TPPP: variants seen among roughly 807,000 people sequenced by gnomAD.
TPPP encodes tubulin polymerization promoting protein, also known as tubulin polymerization-promoting protein.
In TPPP, 6 loss-of-function variants were observed where a neutral mutation model predicts 15.5. The ratio of observed to expected loss-of-function variants is 0.39; its 90% confidence interval spans 0.21 to 0.77. TPPP has a LOEUF of 0.77. Ranked by LOEUF, TPPP falls within the 30% of genes least tolerant of loss-of-function variation. The probability of loss-of-function intolerance (pLI) is 0.42; values close to 1 mark genes in which losing one functional copy is unlikely to be tolerated. For missense variants in TPPP, 269 were observed against 307.2 expected (o/e 0.88, Z 0.93); for synonymous variants, 146 against 133.9 (o/e 1.09, Z -0.63).
chr5:668,912 A>C (rs1740074392), intron 2 of TPPP, among the ~76,000 whole-genome samples: 1 of 152,166 alleles, frequency 6.6e-6, no homozygotes, highest in South Asian at 2.1e-4. Context: ...GGAGCCAGGC[A>C]CGGAGGTGCC....
rs1438366142 is a variant in TPPP at position 663,789 on chromosome 5, A to G, written c.*1313T>C. On this transcript the variant is annotated 3_prime_UTR_variant, in exon 4 of 4. Transcript: ENST00000360578. ...GTTTCCCCAGGACTGCCGCAGGCTC[A>G]TCCGCAGGTAGACTCCAGAACCACG... 6.6e-6 allele frequency: 1 copy of G among 152,394 alleles called. No individual in the cohort carries two copies. Among genetic ancestry groups the G allele is most frequent in the Non-Finnish European group, 1.5e-5 (1 of 68,134 alleles). 9.4% of individuals were successfully genotyped at this position (152,394 alleles called of 1,614,324 possible). A position where few individuals can be genotyped will look rare whatever the true frequency, so the allele number is the denominator to read the frequency against.
At chr5:666,149 C>A (rs752373296) in intron 2 of TPPP, 26 bp from the exon 3 acceptor site, 2 of 1,604,162 alleles carry the variant, frequency 1.2e-6, no homozygotes, top group South Asian at 1.1e-5. Context: ...CGACTTAGGG[C>A]TGGGCGCGGG....
chr5:667,486 C>A (rs957066461), intron 2 of TPPP, among the ~76,000 whole-genome samples: 1 of 152,196 alleles, frequency 6.6e-6, no homozygotes, highest in African/African-American at 2.4e-5. Flanking sequence ...GAGAAGATCT[C>A]TGTGACCTGG....
intron 1 of TPPP, among the ~76,000 whole-genome samples, chr5:691,522 G>C (rs1297701511): frequency 9.7e-6 from 1 of 102,694 alleles, no homozygotes. Flanking sequence ...GTGGATCAGC[G>C]GTGACACTGA....
chr5:692,283 A>G (rs1187605490), intron 1 of TPPP, among the ~76,000 whole-genome samples: 2 of 113,446 alleles, frequency 1.8e-5, no homozygotes, highest in South Asian at 3.7e-4. Flanking sequence ...CTATCAAAAC[A>G]GCAGCCCCCA....
rs897224895 is a variant in TPPP at position 665,979 on chromosome 5, T to C, written c.456A>G (p.Ser152=). 2 of 1,266,096 alleles carry C rather than the reference T, an allele frequency of 1.6e-6. No homozygotes were observed. Among genetic ancestry groups the C allele is most frequent in the East Asian group, 5.5e-5 (1 of 18,236 alleles). The allele number at this position is 1,266,096 out of a possible 1,614,324, so 78.4% of individuals were successfully genotyped here. ...TCCCCGCCCTGCTCACCGTCACCCC[T>C]GAGATGATGGGCGCCTTGCCCTCGA... The part of the protein sequence containing the change: ...RLIEGKAPII[S]GVTKAISSPT... The change falls in exon 3 of 4, where the codon TCA becomes TCG. Residue 152 remains serine (S), a synonymous_variant. Coordinates refer to ENST00000360578, the MANE Select transcript of TPPP (RefSeq NM_007030.3).
rs1379327101 is a variant in TPPP, at chr5:661,284, C to A, written c.*3818G>T. On this transcript the variant is annotated 3_prime_UTR_variant, in exon 4 of 4. Coordinates refer to ENST00000360578, the MANE Select transcript of TPPP (RefSeq NM_007030.3). The stretch of plus-strand genomic sequence containing the variant: ...ACCTGTCCCTCTCTCCTGGTGTCAC[C>A]CCCGACAGAACCTGTCCCTGTCTCC... 6.6e-6 allele frequency: 1 copy of A among 151,594 alleles called. No individual in the cohort carries two copies. The highest frequency in any genetic ancestry group is 6.6e-5 in the Admixed American group (1 of 15,080). 9.4% of individuals were successfully genotyped at this position (151,594 alleles called of 1,614,324 possible).
intron 1 of TPPP, chr5:692,788 T>A (rs1740927101): frequency 1.1e-6 from 1 of 951,792 alleles, no homozygotes; most frequent in East Asian, 1.1e-4. Flanking sequence ...GGGCCGTTTC[T>A]GTGGCCAGGG....
In TPPP at chr5:659,997, C is replaced by G. The variant is rs1739513100; in HGVS notation, c.*5105G>C. On this transcript the variant is annotated 3_prime_UTR_variant, in exon 4 of 4. Transcript: ENST00000360578. ...TGCAAGCCAGGCTCAACAGCAAGTC[C>G]AACAGGCAACACCACACCTCTCACC... The G allele has an allele frequency of 6.6e-6, 1 of 152,372 alleles. No homozygotes were observed. The highest frequency in any genetic ancestry group is 2.1e-4 in the South Asian group (1 of 4,836). 9.4% of individuals were successfully genotyped at this position (152,372 alleles called of 1,614,324 possible).
In TPPP at chr5:677,731, G is replaced by C. The variant is rs200157899; in HGVS notation, c.311+19C>G. On this transcript the variant is annotated intron_variant, in intron 2 of 3. Coordinates refer to ENST00000360578, the MANE Select transcript of TPPP (RefSeq NM_007030.3). Reference sequence around the variant, plus strand: ...CCCCGTAAGTCAGGTCCCTCGGCCCGTGAGCCCAGCGCACTCACTTGATCT... The same window carrying C: ...CCCCGTAAGTCAGGTCCCTCGGCCCCTGAGCCCAGCGCACTCACTTGATCT... The C allele has an allele frequency of 1.3e-6, 2 of 1,529,616 alleles. No individual in the cohort carries two copies. The highest frequency in any genetic ancestry group is 2.3e-5 in the East Asian group (1 of 43,586). The allele number at this position is 1,529,616 out of a possible 1,614,324, so 94.8% of individuals were successfully genotyped here.
At chr5:686,318 G>C (rs1316375149) in intron 1 of TPPP, among the ~76,000 whole-genome samples, 3 of 152,266 alleles carry the variant, frequency 2.0e-5, no homozygotes, top group Non-Finnish European at 4.4e-5. Context: ...GGGCACACCA[G>C]GTTAGAGGAC....
rs78353688 is a variant in TPPP, at chr5:668,159, C to A, written c.312-2036G>T. The stretch of plus-strand genomic sequence containing the variant: ...CGCGTGGGCCCCGTCAGGGAAGTAC[C>A]GACAAGCACACGGAGAGGGGTCCGC... On this transcript the variant is annotated intron_variant, in intron 2 of 3. Coordinates refer to ENST00000360578, the MANE Select transcript of TPPP (RefSeq NM_007030.3). Among the ~76,000 whole-genome samples the A allele has an allele frequency of 5.4e-4, 33 of 60,964 alleles. 2 individuals carry two copies. Among genetic ancestry groups the A allele is most frequent in the Admixed American group, 9.4e-4 (5 of 5,336 alleles). The allele number at this position is 60,964 out of a possible 152,430, so 40.0% of individuals were successfully genotyped here. A position where few individuals can be genotyped will look rare whatever the true frequency, so the allele number is the denominator to read the frequency against.
chr5:675,081 ATG>A (rs1740360584), intron 2 of TPPP, among the ~76,000 whole-genome samples: 2 of 5,300 alleles, frequency 3.8e-4, no homozygotes, highest in Non-Finnish European at 6.9e-4. Flanking sequence ...GGGGTGCAGC[ATG>A]GGGGGTTCAG....
At position 662,908 on chromosome 5, in the gene TPPP, G is replaced by GTGATTC. The variant is rs1331402699; in HGVS notation, c.*2193_*2194insGAATCA. On this transcript the variant is annotated 3_prime_UTR_variant, in exon 4 of 4. Transcript: ENST00000360578. ...CCGATGACTGCTCGTCTGTGATCGG[G>GTGATTC]CGATTCTGGTGACCGCTCGTCTGTG... 9.7e-5 allele frequency: 14 copies of GTGATTC among 143,922 alleles called. No individual in the cohort carries two copies. Among genetic ancestry groups the GTGATTC allele is most frequent in the Non-Finnish European group, 4.5e-5 (3 of 66,082 alleles). The allele number at this position is 143,922 out of a possible 1,614,324, so 8.9% of individuals were successfully genotyped here. A position where few individuals can be genotyped will look rare whatever the true frequency, so the allele number is the denominator to read the frequency against.
intron 2 of TPPP, among the ~76,000 whole-genome samples, chr5:670,472 C>T (rs1740179734): frequency 6.6e-6 from 1 of 152,110 alleles, no homozygotes; most frequent in Non-Finnish European, 1.5e-5. Flanking sequence ...GGGGCTGCGG[C>T]TCCCCCAGGG....
At chr5:684,664 G>A (rs552964108) in intron 1 of TPPP, among the ~76,000 whole-genome samples, 1 of 152,118 alleles carries the variant, frequency 6.6e-6, no homozygotes, top group Non-Finnish European at 1.5e-5. Context: ...GGTGGCTCAG[G>A]TCCTGCCATG....
intron 1 of TPPP, among the ~76,000 whole-genome samples, chr5:684,742 C>T (rs1358204313): frequency 1.3e-5 from 2 of 151,982 alleles, no homozygotes; most frequent in African/African-American, 2.4e-5. Context: ...TGAGCGCAGA[C>T]GGTTCCTGTT....
chr5:671,224 G>C lies in TPPP; in HGVS notation c.312-5101C>G, dbSNP rs563957913. Among the ~76,000 whole-genome samples the C allele has an allele frequency of 2.9e-3, 445 of 151,710 alleles. 3 individuals carry two copies. The highest frequency in any genetic ancestry group is 0.01 in the African/African-American group (429 of 41,324). ...TGCTGCTAATTAATTTTGCGTTGCT[G>C]CCGGCCTTTTCGTTTTCCTGGGGAG... On this transcript the variant is annotated intron_variant, in intron 2 of 3. Coordinates refer to ENST00000360578, the MANE Select transcript of TPPP (RefSeq NM_007030.3).
At chr5:697,093 T>C, upstream of TPPP, among the ~76,000 whole-genome samples, 1 of 150,344 alleles carries the variant, frequency 6.7e-6, no homozygotes, top group East Asian at 1.9e-4. Flanking sequence ...TGTGTGTGTT[T>C]GGGCTGTGAT....
Sources: gnomAD v4.1 joint callset for allele counts (sites outside exome capture counted in the v4.1 genomes callset) on GRCh38, gnomAD v4.1.1 for gene constraint, MANE v1.5 for transcripts, NCBI Gene and HGNC (gene_info 2026-07-23, HGNC 2026-07-21) for gene names.